DLG2: variants seen among roughly 807,000 people sequenced by gnomAD.
DLG2 encodes the protein disks large homolog 2.
A neutral mutation model predicts 132.5 loss-of-function variants in DLG2; 45 were observed. The ratio of observed to expected loss-of-function variants is 0.34; its 90% CI spans 0.27 to 0.44. The LOEUF (loss-of-function observed/expected upper bound fraction) is 0.44. Ranked by LOEUF, DLG2 falls within the 20% of genes least tolerant of loss-of-function variation. DLG2 has a pLI of 1.00. For synonymous variants in DLG2, 424 were observed against 419.6 expected (o/e 1.01, Z -0.13); for missense variants, 1,045 against 1,196.9 (o/e 0.87, Z 1.87).
At chr11:84,849,982 A>T (rs571910329) in intron 6 of DLG2, among the ~76,000 whole-genome samples, 54 of 152,236 alleles carry the variant, frequency 3.5e-4, no homozygotes, top group South Asian at 1.9e-3. Flanking sequence ...GCCTCCAGAA[A>T]ACGATTTTCT....
intron 4 of DLG2, among the ~76,000 whole-genome samples, chr11:85,197,462 T>A (rs1368999657): frequency 6.6e-6 from 1 of 152,180 alleles, no homozygotes; most frequent in African/African-American, 2.4e-5. Context: ...CATTTTAAAG[T>A]GTATTAAGAA....
At chr11:85,251,291 C>A (rs2076382700) in intron 4 of DLG2, among the ~76,000 whole-genome samples, 1 of 152,152 alleles carries the variant, frequency 6.6e-6, no homozygotes, top group Non-Finnish European at 1.5e-5. Flanking sequence ...ATATTGTTTT[C>A]ATTAACATCT....
At chr11:84,206,506 C>T (rs2096667411) in intron 8 of DLG2, among the ~76,000 whole-genome samples, 1 of 151,976 alleles carries the variant, frequency 6.6e-6, no homozygotes, top group Non-Finnish European at 1.5e-5. Context: ...AATAGTAGCA[C>T]ACCAAATCTA....
At chr11:84,590,419 T>C (rs1427571070) in intron 6 of DLG2, among the ~76,000 whole-genome samples, 1 of 152,190 alleles carries the variant, frequency 6.6e-6, no homozygotes. Flanking sequence ...TTAGGAGACA[T>C]AACTTTAGCT....
intron 6 of DLG2, among the ~76,000 whole-genome samples, chr11:84,979,857 T>G (rs1212996683): frequency 4.6e-5 from 7 of 151,930 alleles, no homozygotes; most frequent in Non-Finnish European, 1.0e-4. Flanking sequence ...CTAGGCTTTG[T>G]TATTGGGTGC....
chr11:84,504,030 G>A (rs2154509847), intron 7 of DLG2, among the ~76,000 whole-genome samples: 1 of 152,208 alleles, frequency 6.6e-6, no homozygotes, highest in African/African-American at 2.4e-5. Flanking sequence ...TCCCAACACA[G>A]CTTTAATATT....
intron 6 of DLG2, among the ~76,000 whole-genome samples, chr11:84,978,608 C>T (rs1592135929): frequency 6.6e-6 from 1 of 152,022 alleles, no homozygotes; most frequent in Non-Finnish European, 1.5e-5. Flanking sequence ...AACTGGCTAG[C>T]CATATGTAGA....
intron 15 of DLG2, among the ~76,000 whole-genome samples, chr11:83,928,033 T>C (rs777903952): frequency 6.6e-6 from 1 of 152,072 alleles, no homozygotes; most frequent in Non-Finnish European, 1.5e-5. Context: ...TTGGTGTCAA[T>C]GCACTGGTAG....
At chr11:85,070,217 G>T (rs1243535891) in intron 6 of DLG2, among the ~76,000 whole-genome samples, 1 of 151,762 alleles carries the variant, frequency 6.6e-6, no homozygotes, top group Non-Finnish European at 1.5e-5. Context: ...ACGAGTTAAT[G>T]GGTGCAGCAC....
intron 25 of DLG2, 93 bp downstream of exon 25, chr11:83,469,107 AT>A (rs1794269230): frequency 2.2e-6 from 2 of 913,952 alleles, no homozygotes; most frequent in African/African-American, 3.4e-5. Flanking sequence ...TACAATTGCA[AT>A]CAAGAAAGAG....
At chr11:83,532,923 C>T (rs1297353884) in intron 20 of DLG2, 140 bp from the exon 21 acceptor site, 1 of 711,646 alleles carries the variant, frequency 1.4e-6, no homozygotes, top group African/African-American at 1.8e-5. Flanking sequence ...TTCCTTTGTT[C>T]CATATAAAAA....
At chr11:84,047,626 A>G (rs1249809368) in intron 11 of DLG2, among the ~76,000 whole-genome samples, 1 of 151,706 alleles carries the variant, frequency 6.6e-6, no homozygotes, top group Non-Finnish European at 1.5e-5. Context: ...CATTTAGTAC[A>G]GTGCAATTAT....
intron 4 of DLG2, among the ~76,000 whole-genome samples, chr11:85,193,523 C>G (rs2080783768): frequency 1.3e-5 from 2 of 152,194 alleles, no homozygotes; most frequent in African/African-American, 4.8e-5. Flanking sequence ...TTTCCAATTT[C>G]TATATGAGAA....
At chr11:83,600,178 C>A (rs913499202) in intron 19 of DLG2, among the ~76,000 whole-genome samples, 2 of 151,910 alleles carry the variant, frequency 1.3e-5, no homozygotes, top group Admixed American at 6.6e-5. Context: ...ATTATTCACA[C>A]ACACATCCTA....
At chr11:84,788,338 A>T (rs1339064143) in intron 6 of DLG2, among the ~76,000 whole-genome samples, 3 of 152,120 alleles carry the variant, frequency 2.0e-5, no homozygotes, top group Non-Finnish European at 2.9e-5. Flanking sequence ...GAGGCACATT[A>T]CTTGGAACAC....
At chr11:84,103,341 G>T (rs1299583226) in intron 9 of DLG2, among the ~76,000 whole-genome samples, 1 of 152,132 alleles carries the variant, frequency 6.6e-6, no homozygotes, top group Non-Finnish European at 1.5e-5. Context: ...CCTGCCAGCT[G>T]CAGGGACAGA....
rs1224533070 is a variant in DLG2 at position 83,923,719 on chromosome 11, T to C, written c.1496+6609A>G. On this transcript the variant is annotated intron_variant, in intron 15 of 27. Coordinates refer to ENST00000376104, the MANE Select transcript of DLG2 (RefSeq NM_001142699.3). Reference sequence around the variant, plus strand: ...AAATAGTTCTGAATCCATTTGTACCTCCCTATCTCGATAGTCTCAGTTCAG... The same window carrying C: ...AAATAGTTCTGAATCCATTTGTACCCCCCTATCTCGATAGTCTCAGTTCAG... 2.0e-5 allele frequency among the ~76,000 whole-genome samples: 3 copies of C among 152,246 alleles called. No homozygotes were observed. The East Asian group carries it at 5.8e-4, about 29-fold the overall frequency.
intron 4 of DLG2, among the ~76,000 whole-genome samples, chr11:85,245,217 T>C (rs529192817): frequency 6.6e-6 from 1 of 152,126 alleles, no homozygotes; most frequent in South Asian, 2.1e-4. Flanking sequence ...CCATTTATAT[T>C]CAACTGTAAA....
intron 6 of DLG2, chr11:85,021,316 T>C (rs1168852067): frequency 7.9e-7 from 1 of 1,259,830 alleles, no homozygotes; most frequent in Non-Finnish European, 1.2e-6. Flanking sequence ...CTGAAAGTCA[T>C]AGTCTAAGTC....
Sources: allele counts gnomAD v4.1 joint callset (sites outside exome capture counted in the v4.1 genomes callset), GRCh38; gene constraint gnomAD v4.1.1; transcripts MANE v1.5; gene names NCBI Gene and HGNC (gene_info 2026-07-23, HGNC 2026-07-21).